Variants in MTCH2 observed in about 807,000 individuals in gnomAD.
MTCH2 encodes the protein mitochondrial carrier homolog 2.
Under a neutral mutation model 50.6 loss-of-function variants are expected in MTCH2, and 25 were observed. That is an observed-to-expected ratio of 0.49 (90% CI 0.36 to 0.69). The LOEUF (loss-of-function observed/expected upper bound fraction) is 0.69, where lower values mean the gene tolerates loss of function less well. Ranked by LOEUF, MTCH2 falls within the 30% of genes least tolerant of loss-of-function variation. The pLI is 0.00. For synonymous variants in MTCH2, 106 were observed against 132.0 expected (o/e 0.80, Z 1.35); for missense variants, 273 against 384.4 (o/e 0.71, Z 2.42).
intron 12 of MTCH2, among the ~76,000 whole-genome samples, chr11:47,619,618 C>T (rs755855282): frequency 9.9e-5 from 15 of 152,092 alleles, no homozygotes; most frequent in Non-Finnish European, 1.9e-4. Context: ...ACCTGGACAA[C>T]ATAGTAAGAC....
At chr11:47,623,304 G>A (rs1322575338) in intron 11 of MTCH2, among the ~76,000 whole-genome samples, 5 of 150,096 alleles carry the variant, frequency 3.3e-5, no homozygotes, top group East Asian at 2.0e-4. Context: ...CCCAGGAGGC[G>A]GAAGTTGCAG....
chr11:47,625,073 G>C (rs1408616210), intron 11 of MTCH2, among the ~76,000 whole-genome samples: 1 of 151,686 alleles, frequency 6.6e-6, no homozygotes, highest in East Asian at 1.9e-4. Flanking sequence ...GGGTGACAGA[G>C]TGAGATTCTG....
chr11:47,613,725 C>T (rs999544228), downstream of MTCH2, among the ~76,000 whole-genome samples: 8 of 2,272 alleles, frequency 3.5e-3, no homozygotes, highest in Non-Finnish European at 0.1. Context: ...CCATTCTACT[C>T]TGTTGGGAGC....
intron 12 of MTCH2, among the ~76,000 whole-genome samples, chr11:47,619,814 C>T (rs567407916): frequency 2.4e-4 from 37 of 152,198 alleles, no homozygotes; most frequent in Admixed American, 7.9e-4. Context: ...TGGTGGCTCA[C>T]GCCTGTAATC....
chr11:47,621,312 C>T (rs561719222), intron 12 of MTCH2, among the ~76,000 whole-genome samples: 9 of 152,270 alleles, frequency 5.9e-5, no homozygotes, highest in Admixed American at 2.0e-4. Context: ...CTTCTTTATA[C>T]GCTTTCTTCT....
rs9089 is a variant in MTCH2, at chr11:47,617,511, G to A, written c.*1322C>T. 5,503 of 152,672 alleles carry A rather than the reference G, an allele frequency of 0.036. 101 individuals are homozygous for A. Among genetic ancestry groups the A allele is most frequent in the Middle Eastern group, 0.065 (19 of 294 alleles). 9.5% of individuals were successfully genotyped at this position (152,672 alleles called of 1,614,324 possible). A position where few individuals can be genotyped will look rare whatever the true frequency, so the allele number is the denominator to read the frequency against. Reference sequence around the variant, plus strand: ...CATGAGCTTCCTAAACCCCAGGGGAGGGAAGAGACCCCTGCATTCTCGTTC... The same window carrying A: ...CATGAGCTTCCTAAACCCCAGGGGAAGGAAGAGACCCCTGCATTCTCGTTC... On this transcript the variant is annotated 3_prime_UTR_variant, in exon 13 of 13. Coordinates refer to ENST00000302503, the MANE Select transcript of MTCH2 (RefSeq NM_014342.4).
intron 10 of MTCH2, 100 bp from the exon 11 acceptor site, chr11:47,625,841 T>G (rs2097297647): frequency 1.2e-6 from 1 of 858,758 alleles, no homozygotes. Flanking sequence ...TGAGACACTC[T>G]AACACTTGTC....
chr11:47,625,963 C>A (rs1380386245), intron 10 of MTCH2, among the ~76,000 whole-genome samples: 1 of 151,792 alleles, frequency 6.6e-6, no homozygotes, highest in Non-Finnish European at 1.5e-5. Flanking sequence ...CAGAAGAATT[C>A]TCTGATCCTG....
chr11:47,630,556 C>T lies in MTCH2; in HGVS notation c.538G>A (p.Ala180Thr), dbSNP rs185661217. Residue 180 changes from alanine (A) to threonine (T), a missense_variant and splice_region_variant, in exon 8 of 13, where the codon GCG becomes ACG. By Grantham distance (58) the Ala-to-Thr change is moderately conservative (BLOSUM62 0). Around this residue, in one of 2 missense-constraint regions of MTCH2, gnomAD observed 203 missense variants for 244.3 expected, o/e 0.83. Transcript: ENST00000302503. Reference sequence around the variant, plus strand: ...ACACACTAATCAACATTTACTCACGCGAAAAATCCTAGAATGCCCTCTTCC... The same window carrying T: ...ACACACTAATCAACATTTACTCACGTGAAAAATCCTAGAATGCCCTCTTCC... Reference protein sequence around the residue: ...YREEGILGFFAGLVPRLLGDI... With the variant: ...YREEGILGFFTGLVPRLLGDI... The T allele has an allele frequency of 1.8e-5, 29 of 1,610,688 alleles. No homozygotes were observed. The Middle Eastern group carries it at 5.0e-4, about 28-fold the overall frequency.
chr11:47,642,498 G>A lies in MTCH2; in HGVS notation c.-33C>T, dbSNP rs1171075766. 6 of 1,553,846 alleles carry A rather than the reference G, an allele frequency of 3.9e-6. No homozygotes were observed. Among genetic ancestry groups the A allele is most frequent in the East Asian group, 2.5e-5 (1 of 40,732 alleles). ...CCCGCGGGCGGACGGACAGACAGAC[G>A]GAGCCACCAAGCGACCCGGTGAGCC... On this transcript the variant is annotated 5_prime_UTR_variant, in exon 1 of 13. Coordinates refer to ENST00000302503, the MANE Select transcript of MTCH2 (RefSeq NM_014342.4).
At chr11:47,616,894 G>C (rs2097288739), downstream of MTCH2, among the ~76,000 whole-genome samples, 1 of 152,008 alleles carries the variant, frequency 6.6e-6, no homozygotes, top group African/African-American at 2.4e-5. Flanking sequence ...ATGTTGGTCA[G>C]GATGGTCTCG....
chr11:47,609,124 CAAAA>C, the MTCH2 span, among the ~76,000 whole-genome samples: 1 of 89,918 alleles, frequency 1.1e-5, no homozygotes, highest in Non-Finnish European at 2.1e-5. Context: ...AACTCTGTCT[CAAAA>C]AAAAAAAAAA....
At chr11:47,609,005 A>C in the MTCH2 span, among the ~76,000 whole-genome samples, 1 of 145,566 alleles carries the variant, frequency 6.9e-6, no homozygotes, top group Non-Finnish European at 1.5e-5. Flanking sequence ...CACACCTATA[A>C]TCCCTGTTAC....
intron 3 of MTCH2, among the ~76,000 whole-genome samples, chr11:47,635,806 G>A (rs1015502080): frequency 2.6e-5 from 4 of 151,870 alleles, no homozygotes; most frequent in African/African-American, 9.7e-5. Flanking sequence ...TGGAAGAAAA[G>A]CAAATGGTCA....
In MTCH2 at chr11:47,634,736, T is replaced by C; in HGVS notation, c.307-2A>G. 6.5e-7 allele frequency: 1 copy of C among 1,547,154 alleles called. No homozygotes were observed. The highest frequency in any genetic ancestry group is 8.8e-7 in the Non-Finnish European group (1 of 1,133,226). On this transcript the variant is annotated splice_acceptor_variant, in intron 4 of 12. Coordinates refer to ENST00000302503, the MANE Select transcript of MTCH2 (RefSeq NM_014342.4). LOFTEE classifies it high-confidence loss of function. The stretch of plus-strand genomic sequence containing the variant: ...CTGTACATTTCCAGGTCCTAACTCC[T>C]GGAAATCAAAATCAAAGAAAATAGA...
chr11:47,624,680 C>T (rs1270154645), intron 11 of MTCH2, among the ~76,000 whole-genome samples: 1 of 152,142 alleles, frequency 6.6e-6, no homozygotes, highest in Non-Finnish European at 1.5e-5. Flanking sequence ...CACATGTACT[C>T]CCAACTACTT....
intron 5 of MTCH2, among the ~76,000 whole-genome samples, chr11:47,633,526 A>ATATATATATT (rs1378774715): frequency 2.6e-4 from 9 of 35,074 alleles, no homozygotes; most frequent in Non-Finnish European, 4.1e-4. Flanking sequence ...ATATATATAT[A>ATATATATATT]TTTTTTTTTT....
the MTCH2 span, among the ~76,000 whole-genome samples, chr11:47,609,188 C>T: frequency 6.7e-6 from 1 of 149,288 alleles, no homozygotes; most frequent in African/African-American, 2.5e-5. Context: ...GGCGCGGTGG[C>T]TCACGCTTAT....
chr11:47,608,064 G>GGT, the MTCH2 span, among the ~76,000 whole-genome samples: 2 of 152,172 alleles, frequency 1.3e-5, no homozygotes, highest in African/African-American at 2.4e-5. Flanking sequence ...TCTGGGCTTT[G>GGT]CTATTTACCA....
Sources: allele counts gnomAD v4.1 joint callset (sites outside exome capture counted in the v4.1 genomes callset), GRCh38; gene constraint gnomAD v4.1.1; regional missense constraint gnomAD v4.1.1; transcripts MANE v1.5; gene names NCBI Gene and HGNC (gene_info 2026-07-23, HGNC 2026-07-21).